The following TGFBRAP1 variants were observed in gnomAD, a reference collection of about 807,000 sequenced individuals.
The protein encoded by TGFBRAP1 is transforming growth factor-beta receptor-associated protein 1.
Under a neutral mutation model 83.2 loss-of-function variants are expected in TGFBRAP1, and 20 were observed. The observed-to-expected ratio is 0.24, with a 90% CI of 0.17 to 0.35. The LOEUF is 0.35. Among genes scored for constraint, TGFBRAP1 ranks in the 10% least tolerant of loss-of-function variants. TGFBRAP1 has a pLI of 1.00. For missense variants in TGFBRAP1, 950 were observed against 1,099.4 expected (o/e 0.86, Z 1.92); for synonymous variants, 415 against 459.8 (o/e 0.90, Z 1.25).
In TGFBRAP1 at chr2:105,269,723, C is replaced by G; in HGVS notation, c.1973-18G>C. On this transcript the variant is annotated intron_variant, in intron 10 of 11. Coordinates refer to ENST00000393359, the MANE Select transcript of TGFBRAP1 (RefSeq NM_004257.6). This position sits in a 1 kb window ranked among gnomAD's most constrained non-coding sequence, Gnocchi z 4.1. ...CAGCCTCTCTGCAAGACAGAACCTG[C>G]AGCTCAGAAAGAAAGGGGCTCGCCG... is the stretch of plus-strand genomic sequence containing the variant. 1 of 1,497,460 alleles carries G rather than the reference C, an allele frequency of 6.7e-7. No homozygotes were observed. Among genetic ancestry groups the G allele is most frequent in the Non-Finnish European group, 8.9e-7 (1 of 1,125,182 alleles). The allele number at this position is 1,497,460 out of a possible 1,614,324, so 92.8% of individuals were successfully genotyped here.
At chr2:105,278,063 A>T (rs1015422074) in intron 6 of TGFBRAP1, among the ~76,000 whole-genome samples, 2 of 125,514 alleles carry the variant, frequency 1.6e-5, no homozygotes, top group African/African-American at 6.3e-5. Context: ...TGTCTCAAAA[A>T]ATATATGTGT....
chr2:105,256,299 C>T, the TGFBRAP1 span, among the ~76,000 whole-genome samples: 1 of 152,170 alleles, frequency 6.6e-6, no homozygotes, highest in African/African-American at 2.4e-5. Context: ...TCCTCTGTTA[C>T]TCCCTGGGGT....
rs752176028 is a variant in TGFBRAP1 at position 105,308,107 on chromosome 2, G to A, written c.195C>T (p.Ala65=). The A allele has an allele frequency of 6.2e-7, 1 of 1,614,142 alleles. No individual in the cohort carries two copies. Among genetic ancestry groups the A allele is most frequent in the Admixed American group, 1.7e-5 (1 of 60,028 alleles). Residue 65 remains alanine, a synonymous_variant, in exon 2 of 12, where the codon GCC becomes GCT. Transcript: ENST00000393359. ...PVPAGPATFT[A]TKQLQRHLGF... The stretch of plus-strand genomic sequence containing the variant: ...CCAAGTGTCTCTGCAGCTGTTTGGT[G>A]GCAGTGAACGTGGCTGGCCCAGCAG...
chr2:105,282,779 T>C (rs1049222275), intron 5 of TGFBRAP1, among the ~76,000 whole-genome samples: 1 of 151,160 alleles, frequency 6.6e-6, no homozygotes, highest in African/African-American at 2.4e-5. Flanking sequence ...TGAGCTATGA[T>C]TGCACCACTG....
rs1292591111 is a variant in TGFBRAP1, at chr2:105,308,127, C to A, written c.175G>T (p.Gly59Trp). Residue 59 changes from glycine (G) to tryptophan (W), a missense_variant, in exon 2 of 12, where the codon GGG becomes TGG. Physicochemically the swap from Gly to Trp is radical, Grantham distance 184. Coordinates refer to ENST00000393359, the MANE Select transcript of TGFBRAP1 (RefSeq NM_004257.6). ...FLLEERPVPA[G>W]PATFTATKQL... Reference sequence around the variant, plus strand: ...TTGGTGGCAGTGAACGTGGCTGGCCCAGCAGGCACTGGCCTCTCCTCCAAC... The same window carrying A: ...TTGGTGGCAGTGAACGTGGCTGGCCAAGCAGGCACTGGCCTCTCCTCCAAC... The A allele has an allele frequency of 2.5e-6, 4 of 1,614,170 alleles. No individual in the cohort carries two copies. In the East Asian group the frequency reaches 8.9e-5, roughly 36 times the overall value.
chr2:105,322,176 TAAAGAAAAAA>T (rs1679086422), intron 1 of TGFBRAP1, among the ~76,000 whole-genome samples: 3 of 151,548 alleles, frequency 2.0e-5, no homozygotes, highest in African/African-American at 7.3e-5. Flanking sequence ...CCAAAAAGTT[TAAAGAAAAAA>T]AAAGAAAGAA....
intron 1 of TGFBRAP1, among the ~76,000 whole-genome samples, chr2:105,321,684 T>C (rs1179278398): frequency 6.6e-6 from 1 of 152,186 alleles, no homozygotes; most frequent in Non-Finnish European, 1.5e-5. Context: ...AGACAGCATC[T>C]ACAACAGTGG....
At chr2:105,249,651 G>A in the TGFBRAP1 span, 2 of 152,112 alleles carry the variant, frequency 1.3e-5, no homozygotes, top group South Asian at 4.1e-4. Flanking sequence ...ACTTTGCCAG[G>A]ATAAGAAAAA....
chr2:105,277,745 C>T (rs1407153913), intron 6 of TGFBRAP1, 74 bp from the exon 7 acceptor site: 3 of 1,363,866 alleles, frequency 2.2e-6, no homozygotes, highest in African/African-American at 2.9e-5. Flanking sequence ...CAGTGACACC[C>T]CCAGTCCAAG....
At chr2:105,260,279 A>G (rs1676759332), downstream of TGFBRAP1, among the ~76,000 whole-genome samples, 1 of 152,130 alleles carries the variant, frequency 6.6e-6, no homozygotes, top group Admixed American at 6.6e-5. Context: ...GCATGGTGGC[A>G]TGCGCCTATA....
chr2:105,273,696 A>G lies in TGFBRAP1; in HGVS notation c.1666-6T>C. On this transcript the variant is annotated splice_polypyrimidine_tract_variant and splice_region_variant and intron_variant, in intron 8 of 11. Coordinates refer to ENST00000393359, the MANE Select transcript of TGFBRAP1 (RefSeq NM_004257.6). ...GTGAAAACCTGAACTCCGACCTGAA[A>G]GAGGAGCGACAATACAGTGACTGTG... is the stretch of plus-strand genomic sequence containing the variant. 1 of 1,613,952 alleles carries G rather than the reference A, an allele frequency of 6.2e-7. No homozygotes were observed. Among genetic ancestry groups the G allele is most frequent in the Non-Finnish European group, 8.5e-7 (1 of 1,179,932 alleles).
At chr2:105,291,102 T>A (rs550698587) in intron 4 of TGFBRAP1, among the ~76,000 whole-genome samples, 1 of 152,258 alleles carries the variant, frequency 6.6e-6, no homozygotes, top group African/African-American at 2.4e-5. Flanking sequence ...TCCCTAAAAT[T>A]CCTATGTTGA....
At chr2:105,249,790 C>G in the TGFBRAP1 span, 2 of 152,224 alleles carry the variant, frequency 1.3e-5, no homozygotes, top group East Asian at 1.9e-4. Flanking sequence ...CTGGTGGCCA[C>G]GGCACAGAGG....
In TGFBRAP1 at chr2:105,277,600, C is replaced by T. The variant is rs781269970; in HGVS notation, c.1521+14G>A. 6.2e-7 allele frequency: 1 copy of T among 1,613,434 alleles called. No individual in the cohort carries two copies. The highest frequency in any genetic ancestry group is 1.7e-5 in the Admixed American group (1 of 59,960). On this transcript the variant is annotated intron_variant, in intron 7 of 11. Transcript: ENST00000393359. The stretch of plus-strand genomic sequence containing the variant: ...GCTGATTTTTAAATCATGTGGAAAC[C>T]CTTCTAGACTCACCTGAACTGCAGC...
In TGFBRAP1 at chr2:105,298,704, G is replaced by T; in HGVS notation, c.690C>A (p.Gly230=). Reference sequence around the variant, plus strand: ...ATATCCCTGCGACTGTGGCAAACATGCCTAGAAGTAAGAAGAAAGAGTTAG... The same window carrying T: ...ATATCCCTGCGACTGTGGCAAACATTCCTAGAAGTAAGAAGAAAGAGTTAG... ...EFLLAGPGGL[G]MFATVAGISQ... Residue 230 remains glycine, a splice_region_variant and synonymous_variant, in exon 3 of 12, where the codon GGC becomes GGA. Coordinates refer to ENST00000393359, the MANE Select transcript of TGFBRAP1 (RefSeq NM_004257.6). 6.4e-7 allele frequency: 1 copy of T among 1,563,686 alleles called. No individual in the cohort carries two copies. The highest frequency in any genetic ancestry group is 8.7e-7 in the Non-Finnish European group (1 of 1,149,242).
At chr2:105,272,711 A>T (rs910017532) in intron 10 of TGFBRAP1, 144 bp downstream of exon 10, 27 of 1,120,800 alleles carry the variant, frequency 2.4e-5, no homozygotes, top group Non-Finnish European at 3.2e-5. Flanking sequence ...GTCTTCATTT[A>T]AAAAAATCTT....
intron 1 of TGFBRAP1, among the ~76,000 whole-genome samples, chr2:105,323,505 T>C (rs2104422224): frequency 1.3e-5 from 2 of 152,016 alleles, no homozygotes; most frequent in Middle Eastern, 3.4e-3. Context: ...GACTGGACAC[T>C]TTTTTTTGCA....
At chr2:105,321,497 G>C (rs1679066464) in intron 1 of TGFBRAP1, among the ~76,000 whole-genome samples, 1 of 151,934 alleles carries the variant, frequency 6.6e-6, no homozygotes, top group South Asian at 2.1e-4. Context: ...TTTCTATTTT[G>C]CCATTTTAAT....
Position 105,298,710 on chromosome 2 carries a change from A to T in TGFBRAP1, c.689-5T>A. On this transcript the variant is annotated splice_region_variant and splice_polypyrimidine_tract_variant and intron_variant, in intron 2 of 11. Transcript: ENST00000393359. ...CTGCGACTGTGGCAAACATGCCTAG[A>T]AGTAAGAAGAAAGAGTTAGGTAGGC... The T allele has an allele frequency of 6.4e-7, 1 of 1,562,616 alleles. No homozygotes were observed. Among genetic ancestry groups the T allele is most frequent in the Non-Finnish European group, 8.7e-7 (1 of 1,148,192 alleles).
Sources: allele counts gnomAD v4.1 joint callset (sites outside exome capture counted in the v4.1 genomes callset), GRCh38; gene constraint gnomAD v4.1.1; non-coding constraint Gnocchi (gnomAD v3.1); transcripts MANE v1.5; gene names NCBI Gene and HGNC (gene_info 2026-07-23, HGNC 2026-07-21).